The following FGD3 variants were observed in gnomAD, a reference collection of about 807,000 sequenced individuals.
FGD3 encodes the protein FYVE, RhoGEF and PH domain containing 3.
FGD3 carries 45 observed loss-of-function variants against 71.8 expected under a neutral mutation model. The observed-to-expected ratio is 0.63, with a 90% CI of 0.49 to 0.80. FGD3 has a LOEUF of 0.80. Ranked by LOEUF, FGD3 falls within the 30% of genes least tolerant of loss-of-function variation. The pLI is 0.00. For missense variants in FGD3, 844 were observed against 951.5 expected (o/e 0.89, Z 1.49); for synonymous variants, 378 against 392.8 (o/e 0.96, Z 0.44).
chr9:93,033,698 G>T (rs1862467886), intron 16 of FGD3: 1 of 152,844 alleles, frequency 6.5e-6, no homozygotes, highest in African/African-American at 2.4e-5. Flanking sequence ...GCGGTTTGCA[G>T]TGCCAGCTGC....
At chr9:93,002,312 G>A (rs538647131) in intron 3 of FGD3, among the ~76,000 whole-genome samples, 12 of 152,274 alleles carry the variant, frequency 7.9e-5, no homozygotes, top group Admixed American at 5.2e-4. Context: ...GGCCAGGCAC[G>A]GTGGCTCACA....
In FGD3 at chr9:92,997,649, C is replaced by T. The variant is rs541245739; in HGVS notation, c.454-5276C>T. ...TCCATATTTAGTGCTTCCTTCAGGA[C>T]CTCTTGTAAGGCAGGCCTGGTGGTA... On this transcript the variant is annotated intron_variant, in intron 3 of 17. Transcript: ENST00000375482. Among the ~76,000 whole-genome samples the T allele has an allele frequency of 2.2e-4, 33 of 152,178 alleles. No individual in the cohort carries two copies. In the East Asian group the frequency reaches 2.7e-3, roughly 12 times the overall value.
chr9:92,963,398 C>T (rs150844761), intron 1 of FGD3, among the ~76,000 whole-genome samples: 85 of 152,268 alleles, frequency 5.6e-4, no homozygotes, highest in Admixed American at 8.5e-4. Flanking sequence ...CTCTGGGGTT[C>T]GAGCGGTCCT....
intron 6 of FGD3, among the ~76,000 whole-genome samples, chr9:93,008,469 T>G (rs983802034): frequency 7.9e-5 from 12 of 152,356 alleles, no homozygotes; most frequent in African/African-American, 2.9e-4. Flanking sequence ...GCAGCCTAGT[T>G]ACTTGTAGAC....
At chr9:92,983,394 G>A (rs999641125) in intron 3 of FGD3, among the ~76,000 whole-genome samples, 4 of 151,628 alleles carry the variant, frequency 2.6e-5, no homozygotes, top group African/African-American at 9.7e-5. Context: ...GCGAGGTGGC[G>A]GGCACCTGTA....
At chr9:92,995,545 T>C (rs984421243) in intron 3 of FGD3, among the ~76,000 whole-genome samples, 17 of 152,242 alleles carry the variant, frequency 1.1e-4, no homozygotes, top group African/African-American at 3.9e-4. Flanking sequence ...GCATCCCTGT[T>C]TTATGCCAGT....
Position 93,001,734 on chromosome 9 carries a change from G to T in FGD3, c.454-1191G>T, listed in dbSNP as rs115023622. ...CTGATTTCCCTAGGTTTAACTACTT[G>T]CTCCATGTTAAGGCCATGCTGTGGA... is the stretch of plus-strand genomic sequence containing the variant. On this transcript the variant is annotated intron_variant, in intron 3 of 17. Transcript: ENST00000375482. Among the ~76,000 whole-genome samples the T allele has an allele frequency of 3.9e-3, 592 of 152,274 alleles. 4 individuals are homozygous for T. Among genetic ancestry groups the T allele is most frequent in the African/African-American group, 0.014 (572 of 41,538 alleles).
chr9:92,951,991 C>G (rs566856198), intron 1 of FGD3, among the ~76,000 whole-genome samples: 1 of 152,008 alleles, frequency 6.6e-6, no homozygotes, highest in Non-Finnish European at 1.5e-5. Flanking sequence ...GTTTTTTGAC[C>G]CTCTCCCTGA....
intron 15 of FGD3, 82 bp downstream of exon 15, chr9:93,030,078 C>T: frequency 6.6e-7 from 1 of 1,519,332 alleles, no homozygotes; most frequent in Non-Finnish European, 8.9e-7. Context: ...TCACCAGCAG[C>T]ACACCAGCCA....
intron 3 of FGD3, among the ~76,000 whole-genome samples, chr9:92,987,691 T>C (rs1860243065): frequency 6.6e-6 from 1 of 152,132 alleles, no homozygotes; most frequent in Admixed American, 6.5e-5. Flanking sequence ...CCTGATTCTT[T>C]CGTGTGGTGG....
chr9:92,949,147 A>G, intron 1 of FGD3, among the ~76,000 whole-genome samples: 1 of 151,864 alleles, frequency 6.6e-6, no homozygotes, highest in East Asian at 1.9e-4. Flanking sequence ...GATCTGGGGG[A>G]GGTCAGAGCA....
rs144543266 is a variant in FGD3, at chr9:93,019,744, C to A, written c.1356-87C>A. On this transcript the variant is annotated intron_variant, in intron 11 of 17. Transcript: ENST00000375482. Reference sequence around the variant, plus strand: ...TGCGTTGACAAGCCAGTGCGTGGCTCGGGTGTGCTGCAGGGTTGAGAGAGG... The same window carrying A: ...TGCGTTGACAAGCCAGTGCGTGGCTAGGGTGTGCTGCAGGGTTGAGAGAGG... 1.6e-4 allele frequency: 203 copies of A among 1,279,662 alleles called. No individual in the cohort carries two copies. The African/African-American group carries it at 2.7e-3, about 17-fold the overall frequency. The allele number at this position is 1,279,662 out of a possible 1,614,324, so 79.3% of individuals were successfully genotyped here.
At chr9:93,012,698 G>GTGGC (rs1564163122) in intron 8 of FGD3, among the ~76,000 whole-genome samples, 1 of 138,624 alleles carries the variant, frequency 7.2e-6, no homozygotes, top group Non-Finnish European at 1.6e-5. Context: ...GGGGTGTGGG[G>GTGGC]GGGGGAAGAA....
intron 9 of FGD3, 128 bp downstream of exon 9, chr9:93,014,126 G>A (rs1327419732): frequency 8.1e-6 from 10 of 1,235,360 alleles, no homozygotes; most frequent in Non-Finnish European, 9.7e-6. Flanking sequence ...TACTGGGACT[G>A]TGGCTCCCTC....
At chr9:92,962,468 G>C (rs937925776) in intron 1 of FGD3, among the ~76,000 whole-genome samples, 7 of 152,216 alleles carry the variant, frequency 4.6e-5, no homozygotes, top group Non-Finnish European at 8.8e-5. Context: ...GCCTCCTCAG[G>C]GGGCAGGAGC....
chr9:92,953,458 A>G (rs954034777), intron 1 of FGD3, among the ~76,000 whole-genome samples: 85 of 152,262 alleles, frequency 5.6e-4, no homozygotes, highest in African/African-American at 2.0e-3. Flanking sequence ...TGACTAAAGC[A>G]TCACATATTT....
intron 1 of FGD3, among the ~76,000 whole-genome samples, chr9:92,973,106 A>ATTTTT (rs59046376): frequency 8.0e-5 from 7 of 87,148 alleles, no homozygotes; most frequent in African/African-American, 3.1e-4. Flanking sequence ...ATGCCTGGTA[A>ATTTTT]TTTTTTTTTT....
intron 1 of FGD3, among the ~76,000 whole-genome samples, chr9:92,967,565 A>T (rs1859376417): frequency 6.6e-6 from 1 of 152,128 alleles, no homozygotes; most frequent in African/African-American, 2.4e-5. Flanking sequence ...ATGGGTCAGA[A>T]TTTCCTTCCG....
Position 92,976,570 on chromosome 9 carries a change from T to A in FGD3, c.314T>A (p.Leu105Gln). The change falls in exon 3 of 18, where the codon CTG becomes CAG. Residue 105 changes from leucine to glutamine, a missense_variant. Transcript: ENST00000375482. ...GAGGCTGGCCCAAGCCCCACTGTAC[T>A]GGGGGCGCACGCAGAGATGGCCCTG... ...GLEAGPSPTV[L>Q]GAHAEMALDS... 6.2e-7 allele frequency: 1 copy of A among 1,612,620 alleles called. No homozygotes were observed. Among genetic ancestry groups the A allele is most frequent in the South Asian group, 1.1e-5 (1 of 90,942 alleles).
Sources: allele counts gnomAD v4.1 joint callset (sites outside exome capture counted in the v4.1 genomes callset), GRCh38; gene constraint gnomAD v4.1.1; transcripts MANE v1.5; gene names NCBI Gene and HGNC (gene_info 2026-07-23, HGNC 2026-07-21).